Variants in GPC5 observed in about 807,000 individuals in gnomAD.
GPC5 encodes the protein glypican 5.
GPC5 carries 47 observed loss-of-function variants against 53.9 expected under a neutral mutation model. The ratio of observed to expected loss-of-function variants is 0.87; its 90% confidence interval spans 0.69 to 1.11. GPC5 has a LOEUF of 1.11. Ranked by LOEUF, GPC5 falls within the 50% of genes most tolerant of loss-of-function variation. GPC5 has a pLI of 0.00. For missense variants in GPC5, 748 were observed against 713.1 expected (o/e 1.05, Z -0.56); for synonymous variants, 286 against 263.3 (o/e 1.09, Z -0.84).
intron 2 of GPC5, among the ~76,000 whole-genome samples, chr13:91,494,636 C>T (rs2139268142): frequency 6.6e-6 from 1 of 152,300 alleles, no homozygotes; most frequent in Non-Finnish European, 1.5e-5. Context: ...GTGATCTCCA[C>T]ATCGTTAAAT....
At chr13:92,183,739 G>A (rs2042163854) in intron 7 of GPC5, among the ~76,000 whole-genome samples, 1 of 151,798 alleles carries the variant, frequency 6.6e-6, no homozygotes, top group African/African-American at 2.4e-5. Flanking sequence ...CTAATTTTGT[G>A]GTTTTTAAAT....
At chr13:92,590,053 G>C (rs1416073308) in intron 7 of GPC5, among the ~76,000 whole-genome samples, 1 of 152,142 alleles carries the variant, frequency 6.6e-6, no homozygotes, top group Non-Finnish European at 1.5e-5. Flanking sequence ...AGTGTTTATA[G>C]CAAGAAGAGA....
intron 6 of GPC5, among the ~76,000 whole-genome samples, chr13:92,068,749 T>C (rs1450152154): frequency 6.6e-6 from 1 of 151,654 alleles, no homozygotes; most frequent in African/African-American, 2.4e-5. Context: ...TTTTGTGATA[T>C]TAAAATAATA....
intron 3 of GPC5, among the ~76,000 whole-genome samples, chr13:91,705,155 A>C (rs187581939): frequency 3.5e-4 from 53 of 152,318 alleles, no homozygotes; most frequent in South Asian, 1.0e-3. Context: ...CAAAGTCTTC[A>C]CATTTCAGGA....
intron 2 of GPC5, among the ~76,000 whole-genome samples, chr13:91,524,960 T>C (rs188949163): frequency 2.6e-4 from 40 of 152,346 alleles, no homozygotes; most frequent in African/African-American, 9.1e-4. Context: ...TGAAAAGATA[T>C]AATTTCACTG....
chr13:91,551,601 A>G (rs1238558536), intron 2 of GPC5, among the ~76,000 whole-genome samples: 1 of 152,170 alleles, frequency 6.6e-6, no homozygotes, highest in Non-Finnish European at 1.5e-5. Flanking sequence ...AGAAAAATGT[A>G]TTAAAAATGT....
At chr13:91,413,538 T>G (rs1877967371) in intron 1 of GPC5, among the ~76,000 whole-genome samples, 1 of 152,236 alleles carries the variant, frequency 6.6e-6, no homozygotes, top group South Asian at 2.1e-4. Flanking sequence ...ATTTAAAAAT[T>G]AAATCAGATT....
chr13:92,633,137 C>T (rs1885309074), intron 7 of GPC5, among the ~76,000 whole-genome samples: 1 of 152,180 alleles, frequency 6.6e-6, no homozygotes, highest in Non-Finnish European at 1.5e-5. Context: ...AGGTGATCCA[C>T]CCGCCTCGGC....
At chr13:92,278,678 T>G (rs1385720695) in intron 7 of GPC5, among the ~76,000 whole-genome samples, 1 of 152,088 alleles carries the variant, frequency 6.6e-6, no homozygotes, top group Non-Finnish European at 1.5e-5. Context: ...TCATTTAGGC[T>G]ATGGTGCATT....
intron 2 of GPC5, among the ~76,000 whole-genome samples, chr13:91,475,443 C>T (rs923946602): frequency 6.6e-6 from 1 of 152,106 alleles, no homozygotes; most frequent in African/African-American, 2.4e-5. Context: ...AAATAGTGGT[C>T]AAAAAGCATA....
At position 91,404,307 on chromosome 13, in the gene GPC5, A is replaced by G. The variant is rs118062148; in HGVS notation, c.163+5098A>G. Among the ~76,000 whole-genome samples, 1,046 of 152,356 alleles carry G rather than the reference A, an allele frequency of 6.9e-3. 5 individuals carry two copies. The highest frequency in any genetic ancestry group is 0.012 in the Non-Finnish European group (819 of 68,016). On this transcript the variant is annotated intron_variant, in intron 1 of 7. Transcript: ENST00000377067. ...ATTTATAGATGAATGGTCTCTTGGTATAACTGTTCAACCGACAAACAACAG... is the reference window on the plus strand; with the variant it reads ...ATTTATAGATGAATGGTCTCTTGGTGTAACTGTTCAACCGACAAACAACAG...
intron 7 of GPC5, among the ~76,000 whole-genome samples, chr13:92,337,691 G>T (rs2043334454): frequency 6.6e-6 from 1 of 152,136 alleles, no homozygotes; most frequent in Non-Finnish European, 1.5e-5. Context: ...AGGAGCAAAG[G>T]AAATGCGATG....
intron 6 of GPC5, among the ~76,000 whole-genome samples, chr13:92,071,028 G>A (rs1408068610): frequency 2.6e-5 from 4 of 152,258 alleles, no homozygotes; most frequent in Non-Finnish European, 5.9e-5. Flanking sequence ...ACGAGGTCAG[G>A]AGATCAAGAC....
chr13:92,298,559 C>T (rs894285358), intron 7 of GPC5, among the ~76,000 whole-genome samples: 5 of 152,198 alleles, frequency 3.3e-5, no homozygotes, highest in Admixed American at 6.5e-5. Flanking sequence ...GCTCGAGGTA[C>T]AGTAAAAATC....
At chr13:92,098,208 C>T (rs947761972) in intron 6 of GPC5, among the ~76,000 whole-genome samples, 4 of 152,068 alleles carry the variant, frequency 2.6e-5, no homozygotes, top group Non-Finnish European at 4.4e-5. Context: ...CCCCTCTATG[C>T]GTCCATGTGT....
intron 2 of GPC5, among the ~76,000 whole-genome samples, chr13:91,625,639 A>G (rs2033979245): frequency 6.6e-6 from 1 of 152,102 alleles, no homozygotes; most frequent in Non-Finnish European, 1.5e-5. Flanking sequence ...CCTTGAAACA[A>G]GCAAGTGCCT....
intron 6 of GPC5, among the ~76,000 whole-genome samples, chr13:91,979,117 C>G (rs2040334432): frequency 6.6e-6 from 1 of 151,914 alleles, no homozygotes; most frequent in Non-Finnish European, 1.5e-5. Flanking sequence ...TATGAGATGT[C>G]TAAATAGCCA....
At chr13:91,548,700 A>G (rs967202225) in intron 2 of GPC5, among the ~76,000 whole-genome samples, 1 of 152,234 alleles carries the variant, frequency 6.6e-6, no homozygotes, top group African/African-American at 2.4e-5. Context: ...CCTGACCTCA[A>G]GACTTTCTAT....
At chr13:92,091,836 T>G (rs1255840212) in intron 6 of GPC5, among the ~76,000 whole-genome samples, 1 of 151,834 alleles carries the variant, frequency 6.6e-6, no homozygotes, top group Non-Finnish European at 1.5e-5. Flanking sequence ...AATTCTACCC[T>G]GTCCAGAGAA....
Sources: allele counts gnomAD v4.1 joint callset (sites outside exome capture counted in the v4.1 genomes callset), GRCh38; gene constraint gnomAD v4.1.1; transcripts MANE v1.5; gene names NCBI Gene and HGNC (gene_info 2026-07-23, HGNC 2026-07-21).